MANBA: variants seen among roughly 807,000 people sequenced by gnomAD.
The protein encoded by MANBA is mannosidase beta.
Under a neutral mutation model 111.1 loss-of-function variants are expected in MANBA, and 83 were observed. That is an observed-to-expected ratio of 0.75 (90% CI 0.63 to 0.90). MANBA has a LOEUF of 0.90. Ranked by LOEUF, MANBA falls within the 40% of genes least tolerant of loss-of-function variation. The probability of loss-of-function intolerance (pLI) is 0.00; values close to 1 mark genes in which losing one functional copy is unlikely to be tolerated. For missense variants in MANBA, 1,036 were observed against 1,069.0 expected (o/e 0.97, Z 0.43); for synonymous variants, 370 against 378.7 (o/e 0.98, Z 0.27).
chr4:102,713,400 T>C (rs549531270), intron 5 of MANBA, among the ~76,000 whole-genome samples: 1 of 152,342 alleles, frequency 6.6e-6, no homozygotes, highest in Admixed American at 6.5e-5. Flanking sequence ...TAATTGTTTG[T>C]ATCTCCCCTC....
rs1722151875 is a variant in MANBA, at chr4:102,713,069, G to C, written c.673+1369C>G. Among the ~76,000 whole-genome samples, 5 of 152,140 alleles carry C rather than the reference G, an allele frequency of 3.3e-5. No homozygotes were observed. In the South Asian group the frequency reaches 8.3e-4, roughly 25 times the overall value. On this transcript the variant is annotated intron_variant, in intron 5 of 16. Coordinates refer to ENST00000647097, the MANE Select transcript of MANBA (RefSeq NM_005908.4). The stretch of plus-strand genomic sequence containing the variant: ...TTTTTAAAGTTTAAAAATACCAACA[G>C]CACCAAATAACCTCCTCAAATCTAA...
intron 1 of MANBA, chr4:102,729,869 CTTG>C (rs1387178215): frequency 7.9e-6 from 12 of 1,523,898 alleles, no homozygotes; most frequent in East Asian, 2.2e-5. Flanking sequence ...AGGAGGCAAA[CTTG>C]TTGTTGAGGG....
intron 7 of MANBA, among the ~76,000 whole-genome samples, chr4:102,682,120 C>T (rs972172870): frequency 5.5e-5 from 8 of 145,128 alleles, no homozygotes; most frequent in African/African-American, 2.1e-4. Flanking sequence ...GCACTCCAGC[C>T]TAGGTAACAA....
intron 1 of MANBA, among the ~76,000 whole-genome samples, chr4:102,746,501 C>A (rs568429320): frequency 4.6e-5 from 7 of 152,186 alleles, no homozygotes; most frequent in Non-Finnish European, 7.3e-5. Context: ...GTAGGAGCAA[C>A]CAACCAGCTT....
intron 1 of MANBA, among the ~76,000 whole-genome samples, chr4:102,731,330 T>A (rs569952812): frequency 2.0e-5 from 3 of 152,214 alleles, no homozygotes; most frequent in Admixed American, 2.0e-4. Context: ...TGCGCCACTA[T>A]CCCAGCCAGC....
chr4:102,652,065 C>T (rs1237405775), intron 12 of MANBA, among the ~76,000 whole-genome samples: 2 of 152,166 alleles, frequency 1.3e-5, no homozygotes, highest in African/African-American at 4.8e-5. Context: ...TAAGCAAATT[C>T]ATCACCTCAA....
intron 1 of MANBA, among the ~76,000 whole-genome samples, chr4:102,748,252 T>C (rs116145338): frequency 7.2e-5 from 11 of 152,322 alleles, no homozygotes; most frequent in African/African-American, 2.6e-4. Flanking sequence ...ATAGTAATCA[T>C]ACCTACATGC....
chr4:102,677,890 T>C (rs892440341), intron 7 of MANBA, among the ~76,000 whole-genome samples: 2 of 152,178 alleles, frequency 1.3e-5, no homozygotes, highest in African/African-American at 4.8e-5. Context: ...TGCCATGGTT[T>C]ATTATGGTTA....
intron 1 of MANBA, among the ~76,000 whole-genome samples, chr4:102,750,922 A>G (rs1242617307): frequency 1.3e-5 from 2 of 152,196 alleles, no homozygotes; most frequent in African/African-American, 4.8e-5. Context: ...CAAAAAACAA[A>G]AAAAATGATA....
chr4:102,720,222 G>C (rs533834979), intron 4 of MANBA, among the ~76,000 whole-genome samples: 1 of 152,086 alleles, frequency 6.6e-6, no homozygotes, highest in Non-Finnish European at 1.5e-5. Flanking sequence ...ATCACCTGAG[G>C]TCAGGAGTTC....
At chr4:102,645,307 T>C (rs1730055270) in intron 13 of MANBA, among the ~76,000 whole-genome samples, 1 of 152,116 alleles carries the variant, frequency 6.6e-6, no homozygotes, top group Admixed American at 6.5e-5. Context: ...ACAAATGATA[T>C]GAGTCTGTAG....
At chr4:102,633,288 A>G (rs1560736109) in intron 16 of MANBA, 3 of 398,554 alleles carry the variant, frequency 7.5e-6, no homozygotes, top group Non-Finnish European at 1.3e-5. Context: ...AAGCAGCCAC[A>G]GGAACAAGGT....
Position 102,747,852 on chromosome 4 carries a change from A to T in MANBA, c.177+12866T>A, listed in dbSNP as rs1723643479. On this transcript the variant is annotated intron_variant, in intron 1 of 16. Coordinates refer to ENST00000647097, the MANE Select transcript of MANBA (RefSeq NM_005908.4). ...AAAACTTAAAAGGGAAAACAAGACA[A>T]ACTATTTGCTTGGCCCACTACAAGT... Among the ~76,000 whole-genome samples the T allele has an allele frequency of 1.3e-5, 2 of 152,256 alleles. 1 individual carries two copies. The highest frequency in any genetic ancestry group is 4.1e-4 in the South Asian group (2 of 4,838).
intron 4 of MANBA, 100 bp downstream of exon 4, chr4:102,722,771 C>T (rs1722634096): frequency 1.1e-5 from 14 of 1,253,740 alleles, no homozygotes; most frequent in Non-Finnish European, 2.3e-6. Flanking sequence ...AAAGAGATTC[C>T]TAACTTCTGA....
At chr4:102,740,564 AC>A (rs1723366097) in intron 1 of MANBA, among the ~76,000 whole-genome samples, 1 of 152,248 alleles carries the variant, frequency 6.6e-6, no homozygotes, top group Non-Finnish European at 1.5e-5. Context: ...GGATATAGTC[AC>A]AAAAACAGCA....
chr4:102,744,902 CATA>C (rs1723535634), intron 1 of MANBA, among the ~76,000 whole-genome samples: 1 of 152,144 alleles, frequency 6.6e-6, no homozygotes, highest in African/African-American at 2.4e-5. Flanking sequence ...CCTTTCCCAT[CATA>C]ATAACTCTCA....
rs758862876 is a variant in MANBA, at chr4:102,723,969, TA to T, written c.273-3del. 123 of 1,558,418 alleles carry T rather than the reference TA, an allele frequency of 7.9e-5. No homozygotes were observed. Among genetic ancestry groups the T allele is most frequent in the African/African-American group, 6.8e-4 (50 of 73,006 alleles). On this transcript the variant is annotated splice_polypyrimidine_tract_variant and splice_region_variant and intron_variant, in intron 2 of 16. Coordinates refer to ENST00000647097, the MANE Select transcript of MANBA (RefSeq NM_005908.4). Reference sequence around the variant, plus strand: ...ATCAAATTTACTTTTTGCCATTTGCTAAAAAAAAGAAAAGATTTTTAAAACA... The same window carrying T: ...ATCAAATTTACTTTTTGCCATTTGCTAAAAAAAGAAAAGATTTTTAAAACA...
At chr4:102,664,582 C>T (rs1331754962) in intron 11 of MANBA, 103 bp downstream of exon 11, 1 of 1,005,200 alleles carries the variant, frequency 9.9e-7, no homozygotes, top group African/African-American at 1.6e-5. Flanking sequence ...TTGTGATCCG[C>T]CCGCCTCAGC....
In MANBA at chr4:102,676,354, T is replaced by A. The variant is rs183423629; in HGVS notation, c.961-2284A>T. Among the ~76,000 whole-genome samples the A allele has an allele frequency of 5.9e-5, 9 of 152,248 alleles. No homozygotes were observed. The South Asian group carries it at 1.0e-3, about 18-fold the overall frequency. ...GTCAAACAGTGTTTATTACATCTTT[T>A]CAAACCAGACATGAAAAAACCCAGT... On this transcript the variant is annotated intron_variant, in intron 7 of 16. Coordinates refer to ENST00000647097, the MANE Select transcript of MANBA (RefSeq NM_005908.4).
Sources: allele counts gnomAD v4.1 joint callset (sites outside exome capture counted in the v4.1 genomes callset), GRCh38; gene constraint gnomAD v4.1.1; transcripts MANE v1.5; gene names NCBI Gene and HGNC (gene_info 2026-07-23, HGNC 2026-07-21).